The following NCKAP5 variants were observed in gnomAD, a reference collection of about 807,000 sequenced individuals.
The protein encoded by NCKAP5 is NCK associated protein 5.
Under a neutral mutation model 167.0 loss-of-function variants are expected in NCKAP5, and 92 were observed. The ratio of observed to expected loss-of-function variants is 0.55; its 90% CI spans 0.47 to 0.66. The LOEUF is 0.66. Ranked by LOEUF, NCKAP5 falls within the 30% of genes least tolerant of loss-of-function variation. The pLI is 0.00. For synonymous variants in NCKAP5, 891 were observed against 877.4 expected (o/e 1.02, Z -0.27); for missense variants, 2,378 against 2,315.0 (o/e 1.03, Z -0.56).
chr2:133,193,183 C>T (rs1179544938), intron 5 of NCKAP5, among the ~76,000 whole-genome samples: 3 of 151,974 alleles, frequency 2.0e-5, no homozygotes, highest in Non-Finnish European at 4.4e-5. Context: ...ATTTATGTAA[C>T]ATTCTTGAAA....
At chr2:132,725,315 T>C (rs946609510) in intron 19 of NCKAP5, among the ~76,000 whole-genome samples, 1 of 152,220 alleles carries the variant, frequency 6.6e-6, no homozygotes, top group African/African-American at 2.4e-5. Context: ...TGCCAGAGTA[T>C]ATAATTAAGA....
the NCKAP5 span, among the ~76,000 whole-genome samples, chr2:133,583,271 C>T: frequency 6.6e-6 from 1 of 152,138 alleles, no homozygotes; most frequent in Non-Finnish European, 1.5e-5. Context: ...ATGGATCCCT[C>T]ATGAATGACT....
At chr2:132,934,756 C>A (rs1696714131) in intron 8 of NCKAP5, among the ~76,000 whole-genome samples, 1 of 152,216 alleles carries the variant, frequency 6.6e-6, no homozygotes, top group African/African-American at 2.4e-5. Flanking sequence ...CTCTAAGACT[C>A]ATAAACAAGA....
At chr2:133,141,785 C>T (rs2149840056) in intron 5 of NCKAP5, among the ~76,000 whole-genome samples, 1 of 152,268 alleles carries the variant, frequency 6.6e-6, no homozygotes, top group East Asian at 1.9e-4. Flanking sequence ...TTGGTTTTTA[C>T]ATAGCCAGCT....
At chr2:132,792,620 T>G (rs190716106) in intron 12 of NCKAP5, among the ~76,000 whole-genome samples, 43 of 152,286 alleles carry the variant, frequency 2.8e-4, no homozygotes, top group African/African-American at 9.9e-4. Context: ...GTGTCTACTC[T>G]ACAGAGAGAG....
At position 133,477,262 on chromosome 2, in the gene NCKAP5, G is replaced by C. The variant is rs1680002418; in HGVS notation, c.69+40196C>G. On this transcript the variant is annotated intron_variant, in intron 3 of 19. Coordinates refer to ENST00000409261, the MANE Select transcript of NCKAP5 (RefSeq NM_207363.3). Reference sequence around the variant, plus strand: ...CTGGCCTAGTGGTCTGCCTTCATCAGAGCTGGTTGCTCCTGCTGTAGGTTC... The same window carrying C: ...CTGGCCTAGTGGTCTGCCTTCATCACAGCTGGTTGCTCCTGCTGTAGGTTC... Among the ~76,000 whole-genome samples the C allele has an allele frequency of 2.6e-5, 4 of 152,204 alleles. No homozygotes were observed. In the South Asian group the frequency reaches 8.3e-4, roughly 31 times the overall value.
intron 3 of NCKAP5, among the ~76,000 whole-genome samples, chr2:133,486,200 C>T (rs1369633369): frequency 6.6e-6 from 1 of 152,192 alleles, no homozygotes; most frequent in African/African-American, 2.4e-5. Context: ...CTGTATAATC[C>T]ATTGCATTCT....
the NCKAP5 span, among the ~76,000 whole-genome samples, chr2:133,626,696 A>T: frequency 2.0e-5 from 3 of 152,100 alleles, no homozygotes; most frequent in African/African-American, 7.2e-5. Context: ...CTCTAATGAT[A>T]TAATGTCTGG....
At chr2:133,319,773 A>G (rs993278852) in intron 3 of NCKAP5, among the ~76,000 whole-genome samples, 3 of 152,206 alleles carry the variant, frequency 2.0e-5, no homozygotes, top group African/African-American at 4.8e-5. Flanking sequence ...TTAAAGAGTC[A>G]AACGGAACAT....
chr2:133,507,363 G>A (rs572470942), intron 3 of NCKAP5, among the ~76,000 whole-genome samples: 3 of 152,172 alleles, frequency 2.0e-5, no homozygotes, highest in Non-Finnish European at 4.4e-5. Flanking sequence ...AGCAGTCAAC[G>A]AATTAATTGC....
intron 11 of NCKAP5, among the ~76,000 whole-genome samples, chr2:132,825,833 T>C (rs756016278): frequency 3.3e-5 from 5 of 152,240 alleles, no homozygotes; most frequent in Admixed American, 6.5e-5. Flanking sequence ...AAAAATCACT[T>C]AACGTAATTG....
At chr2:133,560,440 G>A (rs1688074086) in intron 1 of NCKAP5, among the ~76,000 whole-genome samples, 1 of 152,116 alleles carries the variant, frequency 6.6e-6, no homozygotes, top group Admixed American at 6.6e-5. Context: ...CGGGTGATAA[G>A]TGCTATGAAA....
intron 12 of NCKAP5, among the ~76,000 whole-genome samples, chr2:132,791,945 T>C (rs893430306): frequency 6.6e-6 from 1 of 152,210 alleles, no homozygotes; most frequent in Non-Finnish European, 1.5e-5. Context: ...TGTATAGATG[T>C]TGGGGTAAGA....
In NCKAP5 at chr2:132,796,842, C is replaced by T; in HGVS notation, c.808-113G>A. The stretch of plus-strand genomic sequence containing the variant: ...CTTGACATTTCCAGATTAGATAATA[C>T]ATGTCCTAATTAAAAAAAGTTTATT... On this transcript the variant is annotated intron_variant, in intron 11 of 19. Transcript: ENST00000409261. 11 of 706,008 alleles carry T rather than the reference C, an allele frequency of 1.6e-5. No individual in the cohort carries two copies. The South Asian group carries it at 1.9e-4, about 12-fold the overall frequency. 43.7% of individuals were successfully genotyped at this position (706,008 alleles called of 1,614,324 possible). A position where few individuals can be genotyped will look rare whatever the true frequency, so the allele number is the denominator to read the frequency against.
chr2:132,779,005 A>AG (rs1365668801), intron 15 of NCKAP5, among the ~76,000 whole-genome samples: 14 of 152,244 alleles, frequency 9.2e-5, no homozygotes, highest in Non-Finnish European at 1.6e-4. Flanking sequence ...TCAACTACCC[A>AG]GGTTAATAAC....
intron 6 of NCKAP5, among the ~76,000 whole-genome samples, chr2:133,112,429 G>A (rs992666726): frequency 2.6e-5 from 4 of 151,758 alleles, no homozygotes; most frequent in African/African-American, 4.8e-5. Context: ...AGCCAAGATC[G>A]CACCACTGCA....
intron 6 of NCKAP5, among the ~76,000 whole-genome samples, chr2:133,006,221 T>C (rs562425021): frequency 6.6e-6 from 1 of 152,150 alleles, no homozygotes; most frequent in Non-Finnish European, 1.5e-5. Context: ...ATTACACTAC[T>C]GCACTCCAGC....
intron 8 of NCKAP5, among the ~76,000 whole-genome samples, chr2:132,948,900 A>G (rs2076085251): frequency 6.6e-6 from 1 of 152,154 alleles, no homozygotes; most frequent in Non-Finnish European, 1.5e-5. Context: ...CTGATTCACT[A>G]TGACTGATTT....
chr2:133,451,602 G>C (rs1691555853), intron 3 of NCKAP5, among the ~76,000 whole-genome samples: 1 of 152,140 alleles, frequency 6.6e-6, no homozygotes, highest in South Asian at 2.1e-4. Flanking sequence ...ACTTCACTAA[G>C]AACAGATGAC....
Sources: gnomAD v4.1 joint callset for allele counts (sites outside exome capture counted in the v4.1 genomes callset) on GRCh38, gnomAD v4.1.1 for gene constraint, MANE v1.5 for transcripts, NCBI Gene and HGNC (gene_info 2026-07-23, HGNC 2026-07-21) for gene names.